Variants in LRRC72 observed in about 807,000 individuals in gnomAD.
LRRC72 encodes the protein leucine-rich repeat-containing protein 72.
LRRC72 carries 41 observed loss-of-function variants against 35.8 expected under a neutral mutation model. The ratio of observed to expected loss-of-function variants is 1.15; its 90% CI spans 0.89 to 1.49. LRRC72 has a LOEUF of 1.49. Ranked by LOEUF, LRRC72 falls within the 40% of genes most tolerant of loss-of-function variation. The pLI, the probability that LRRC72 is intolerant of heterozygous loss-of-function variation, is 0.00. For synonymous variants in LRRC72, 118 were observed against 119.2 expected, an observed-to-expected ratio of 0.99 and a Z score of 0.07; for missense variants, 389 against 330.7, an observed-to-expected ratio of 1.18 and a Z score of -1.37.
intron 5 of LRRC72, among the ~76,000 whole-genome samples, chr7:16,561,756 A>C (rs1782747271): frequency 6.6e-6 from 1 of 152,244 alleles, no homozygotes. Flanking sequence ...CATTTTGGTT[A>C]AAGATATTGT....
chr7:16,571,535 C>T (rs1037106256), intron 7 of LRRC72, among the ~76,000 whole-genome samples: 18 of 152,152 alleles, frequency 1.2e-4, no homozygotes, highest in Non-Finnish European at 2.1e-4. Context: ...GGGTGCAGCC[C>T]ACGGAGGGAC....
chr7:16,581,492 C>A lies in LRRC72; in HGVS notation c.*3C>A. 6.5e-7 allele frequency: 1 copy of A among 1,535,560 alleles called. No individual in the cohort carries two copies. The highest frequency in any genetic ancestry group is 8.8e-7 in the Non-Finnish European group (1 of 1,140,566). ...TGCTCACAGTTACACTGAGATAAGC[C>A]CTGGTATTTCTAGATATCTTAGTGG... On this transcript the variant is annotated 3_prime_UTR_variant, in exon 9 of 9. Transcript: ENST00000401542.
intron 7 of LRRC72, among the ~76,000 whole-genome samples, chr7:16,579,296 G>A (rs1462794531): frequency 6.6e-6 from 1 of 152,146 alleles, no homozygotes; most frequent in African/African-American, 2.4e-5. Flanking sequence ...AAAAGAAAGA[G>A]CCTAGGATGA....
intron 1 of LRRC72, among the ~76,000 whole-genome samples, chr7:16,527,588 T>C (rs1347900868): frequency 2.0e-5 from 3 of 151,950 alleles, no homozygotes; most frequent in African/African-American, 4.8e-5. Context: ...GCAGTTAAGA[T>C]AATGATTAAA....
chr7:16,558,342 C>T (rs1782686657), intron 4 of LRRC72, among the ~76,000 whole-genome samples: 1 of 152,238 alleles, frequency 6.6e-6, no homozygotes, highest in East Asian at 1.9e-4. Context: ...GGCGCGGTGG[C>T]TCATGCCTGT....
At chr7:16,534,630 G>A (rs866283935) in intron 2 of LRRC72, among the ~76,000 whole-genome samples, 4 of 151,322 alleles carry the variant, frequency 2.6e-5, no homozygotes, top group Non-Finnish European at 3.0e-5. Flanking sequence ...GTGACAGAGC[G>A]AGACTCAGTC....
At chr7:16,529,274 G>A (rs766264232) in intron 1 of LRRC72, among the ~76,000 whole-genome samples, 3 of 152,072 alleles carry the variant, frequency 2.0e-5, no homozygotes, top group Admixed American at 6.6e-5. Flanking sequence ...TGTTTTGTGC[G>A]CTTACTCTCC....
chr7:16,531,980 T>C (rs187082802), intron 1 of LRRC72, among the ~76,000 whole-genome samples: 44 of 152,326 alleles, frequency 2.9e-4, no homozygotes, highest in Admixed American at 2.2e-3. Flanking sequence ...AAAAATGACA[T>C]GTATTCATTC....
intron 3 of LRRC72, among the ~76,000 whole-genome samples, chr7:16,554,500 C>A (rs893656990): frequency 2.2e-4 from 33 of 152,164 alleles, no homozygotes; most frequent in African/African-American, 7.7e-4. Context: ...CTCCTGCAAC[C>A]TTTACTCTAC....
intron 1 of LRRC72, chr7:16,530,697 A>C (rs930288848): frequency 1.3e-5 from 2 of 152,220 alleles, no homozygotes; most frequent in Admixed American, 6.5e-5. Flanking sequence ...AGTGATAATC[A>C]CATTTGTCTG....
At chr7:16,547,821 A>G (rs1308239996) in intron 3 of LRRC72, among the ~76,000 whole-genome samples, 3 of 152,220 alleles carry the variant, frequency 2.0e-5, no homozygotes, top group African/African-American at 7.2e-5. Flanking sequence ...GCCCCTTGGC[A>G]TGAACAACCT....
intron 2 of LRRC72, among the ~76,000 whole-genome samples, chr7:16,535,675 T>C (rs1431169332): frequency 6.6e-6 from 1 of 152,144 alleles, no homozygotes; most frequent in Non-Finnish European, 1.5e-5. Flanking sequence ...AATGACTGAA[T>C]TTAGCTTCAT....
At chr7:16,546,610 C>T (rs1412613968) in intron 3 of LRRC72, among the ~76,000 whole-genome samples, 3 of 152,126 alleles carry the variant, frequency 2.0e-5, no homozygotes, top group African/African-American at 7.2e-5. Context: ...TACATTCAGC[C>T]AAGTTCTTAC....
intron 3 of LRRC72, among the ~76,000 whole-genome samples, chr7:16,557,013 G>A (rs1782660746): frequency 6.6e-6 from 1 of 152,178 alleles, no homozygotes; most frequent in Admixed American, 6.5e-5. Flanking sequence ...ATGTGGTGCT[G>A]GATCTAGTGA....
intron 3 of LRRC72, among the ~76,000 whole-genome samples, chr7:16,543,790 G>A (rs1782399675): frequency 6.6e-6 from 1 of 152,218 alleles, no homozygotes; most frequent in African/African-American, 2.4e-5. Flanking sequence ...TTACCTGGAT[G>A]TGAAGGCAGG....
chr7:16,540,252 T>C (rs2128335263), intron 3 of LRRC72, among the ~76,000 whole-genome samples: 1 of 152,338 alleles, frequency 6.6e-6, no homozygotes, highest in Admixed American at 6.5e-5. Context: ...TTTTAAGATT[T>C]ACTGACTGAC....
rs114149204 is a variant in LRRC72 at position 16,550,297 on chromosome 7, C to A, written c.235-7063C>A. On this transcript the variant is annotated intron_variant, in intron 3 of 8. Transcript: ENST00000401542. ...CTATCACTAACCAGCTAATAACATA[C>A]GGCAAATCACATAATATCTCTAAAT... 3.9e-5 allele frequency among the ~76,000 whole-genome samples: 6 copies of A among 152,216 alleles called. No individual in the cohort carries two copies. The South Asian group carries it at 1.2e-3, about 32-fold the overall frequency.
At position 16,532,506 on chromosome 7, in the gene LRRC72, T is replaced by C; in HGVS notation, c.102T>C (p.Asp34=). The C allele has an allele frequency of 6.5e-7, 1 of 1,549,868 alleles. No individual in the cohort carries two copies. Among genetic ancestry groups the C allele is most frequent in the Non-Finnish European group, 8.7e-7 (1 of 1,146,284 alleles). The change falls in exon 2 of 9, where the codon GAT becomes GAC. Residue 34 remains aspartate, a synonymous_variant. Transcript: ENST00000401542. The part of the protein sequence containing the change: ...ALQSSRRAVE[D]QLKICGHRRD... Reference sequence around the variant, plus strand: ...TTATATGTTATCAGGCAGTTGAAGATCAGCTAAAGATATGTGGCCACAGGA... The same window carrying C: ...TTATATGTTATCAGGCAGTTGAAGACCAGCTAAAGATATGTGGCCACAGGA...
intron 3 of LRRC72, among the ~76,000 whole-genome samples, chr7:16,540,035 C>T (rs1782328728): frequency 1.3e-5 from 2 of 152,192 alleles, no homozygotes; most frequent in Non-Finnish European, 2.9e-5. Context: ...GGGCCATCAT[C>T]CTCCAGACCC....
Sources: allele counts gnomAD v4.1 joint callset (sites outside exome capture counted in the v4.1 genomes callset), GRCh38; gene constraint gnomAD v4.1.1; transcripts MANE v1.5; gene names NCBI Gene and HGNC (gene_info 2026-07-23, HGNC 2026-07-21).